GRIN3A: variants seen among roughly 807,000 people sequenced by gnomAD.
GRIN3A encodes the protein glutamate receptor ionotropic, NMDA 3A.
In GRIN3A, 47 loss-of-function variants were observed where a neutral mutation model predicts 92.4. The ratio of observed to expected loss-of-function variants is 0.51; its 90% CI spans 0.40 to 0.65. The LOEUF (loss-of-function observed/expected upper bound fraction) is 0.65, where lower values mean the gene tolerates loss of function less well. Ranked by LOEUF, GRIN3A falls within the 30% of genes least tolerant of loss-of-function variation. The pLI is 0.00. For synonymous variants in GRIN3A, 527 were observed against 540.6 expected (o/e 0.97, Z 0.35); for missense variants, 1,324 against 1,393.1 (o/e 0.95, Z 0.79).
intron 3 of GRIN3A, among the ~76,000 whole-genome samples, chr9:101,646,509 G>C (rs1162254292): frequency 6.6e-6 from 1 of 151,766 alleles, no homozygotes; most frequent in Admixed American, 6.6e-5. Flanking sequence ...GGAGCCTTTT[G>C]GGGTTACATT....
chr9:101,660,013 A>C (rs1829150514), intron 3 of GRIN3A, among the ~76,000 whole-genome samples: 1 of 151,832 alleles, frequency 6.6e-6, no homozygotes, highest in African/African-American at 2.4e-5. Flanking sequence ...ACATTCAGGA[A>C]GGGAAAGAAT....
chr9:101,736,974 C>T (rs545283356), intron 1 of GRIN3A, among the ~76,000 whole-genome samples: 1 of 152,236 alleles, frequency 6.6e-6, no homozygotes, highest in Admixed American at 6.5e-5. Context: ...TACTTCCCGT[C>T]GGGCATCTAC....
intron 1 of GRIN3A, among the ~76,000 whole-genome samples, chr9:101,720,098 C>T (rs984217220): frequency 3.9e-5 from 6 of 152,208 alleles, no homozygotes; most frequent in African/African-American, 1.4e-4. Flanking sequence ...CTGCTGCTGA[C>T]CATTTAGAAG....
At chr9:101,594,712 C>T in intron 6 of GRIN3A, 1 of 1,614,220 alleles carries the variant, frequency 6.2e-7, no homozygotes, top group Non-Finnish European at 8.5e-7. Flanking sequence ...CCTTGAAGTC[C>T]ACTTCTCCAT....
chr9:101,644,684 C>T (rs908519577), intron 3 of GRIN3A, among the ~76,000 whole-genome samples: 6 of 127,866 alleles, frequency 4.7e-5, no homozygotes, highest in Non-Finnish European at 8.1e-5. Context: ...AAAACTCAAA[C>T]GGAAGTTTTA....
chr9:101,674,649 G>C (rs1829371261), intron 2 of GRIN3A, among the ~76,000 whole-genome samples: 1 of 151,938 alleles, frequency 6.6e-6, no homozygotes, highest in African/African-American at 2.4e-5. Context: ...GTAACCTTAA[G>C]TTCCTTTAAT....
intron 6 of GRIN3A, chr9:101,594,117 T>C (rs577857422): frequency 3.0e-6 from 1 of 332,582 alleles, no homozygotes; most frequent in Non-Finnish European, 5.4e-6. Flanking sequence ...TTTAAAGTTC[T>C]AGTTTGGTCT....
At chr9:101,718,615 G>A (rs1040603097) in intron 1 of GRIN3A, among the ~76,000 whole-genome samples, 4 of 152,202 alleles carry the variant, frequency 2.6e-5, no homozygotes, top group East Asian at 3.8e-4. Flanking sequence ...TGATTCATGA[G>A]ATGATTTTAG....
intron 3 of GRIN3A, among the ~76,000 whole-genome samples, chr9:101,666,699 G>A (rs138495728): frequency 3.3e-5 from 5 of 152,112 alleles, no homozygotes; most frequent in Non-Finnish European, 5.9e-5. Flanking sequence ...TTTCTAGCCC[G>A]TGAACTGCTG....
At chr9:101,583,476 T>G in intron 6 of GRIN3A, among the ~76,000 whole-genome samples, 1 of 152,200 alleles carries the variant, frequency 6.6e-6, no homozygotes, top group African/African-American at 2.4e-5. Context: ...ATCTTCCCCA[T>G]ATTATCAAGT....
chr9:101,595,070 G>T, intron 6 of GRIN3A: 1 of 807,432 alleles, frequency 1.2e-6, no homozygotes, highest in Non-Finnish European at 1.9e-6. Flanking sequence ...GGGCAGGGGA[G>T]CGGAGGGAGG....
chr9:101,634,507 G>A (rs1356784448), intron 3 of GRIN3A, among the ~76,000 whole-genome samples: 2 of 151,380 alleles, frequency 1.3e-5, no homozygotes, highest in African/African-American at 4.9e-5. Context: ...TATCTAATGA[G>A]ATTGCTACTT....
chr9:101,573,542 T>C (rs778118606), intron 8 of GRIN3A, 29 bp from the exon 9 acceptor site: 78 of 1,557,908 alleles, frequency 5.0e-5, no homozygotes, highest in Non-Finnish European at 6.6e-5. Flanking sequence ...TTAGATTTAC[T>C]TTCCATTCTG....
intron 6 of GRIN3A, among the ~76,000 whole-genome samples, chr9:101,600,458 T>A (rs1588243202): frequency 6.6e-6 from 1 of 152,174 alleles, no homozygotes; most frequent in East Asian, 1.9e-4. Context: ...AACCAAATTA[T>A]CATGTCCATA....
chr9:101,595,639 G>T (rs1049353258), intron 6 of GRIN3A, among the ~76,000 whole-genome samples: 1 of 152,156 alleles, frequency 6.6e-6, no homozygotes, highest in African/African-American at 2.4e-5. Context: ...GGCAGATACC[G>T]CGCAGAATTT....
At chr9:101,737,178 A>G (rs937400685) in intron 1 of GRIN3A, 103 bp downstream of exon 1, 119 of 910,958 alleles carry the variant, frequency 1.3e-4, no homozygotes, top group East Asian at 5.1e-5. Flanking sequence ...TTATAAAGTA[A>G]CAACTCCCCT....
At chr9:101,579,389 T>C in intron 6 of GRIN3A, 29 bp from the exon 7 acceptor site, 2 of 1,609,586 alleles carry the variant, frequency 1.2e-6, no homozygotes, top group Non-Finnish European at 1.7e-6. Flanking sequence ...GAAAAGGCCA[T>C]GAATACAATG....
chr9:101,731,675 G>A (rs774155705), intron 1 of GRIN3A, among the ~76,000 whole-genome samples: 12 of 152,202 alleles, frequency 7.9e-5, no homozygotes, highest in Admixed American at 2.0e-4. Flanking sequence ...TTCAAGGCAG[G>A]AGATCAAATA....
chr9:101,688,874 A>C (rs1829575583), intron 1 of GRIN3A, among the ~76,000 whole-genome samples: 1 of 152,182 alleles, frequency 6.6e-6, no homozygotes, highest in African/African-American at 2.4e-5. Flanking sequence ...TCTCAAAAAT[A>C]GAATAGAATA....
Sources: gnomAD v4.1 joint callset for allele counts (sites outside exome capture counted in the v4.1 genomes callset) on GRCh38, gnomAD v4.1.1 for gene constraint, MANE v1.5 for transcripts, NCBI Gene and HGNC (gene_info 2026-07-23, HGNC 2026-07-21) for gene names.